The following BSPH1 variants were observed in gnomAD, a reference collection of about 807,000 sequenced individuals.
BSPH1 encodes binder of sperm protein homolog 1, also known as binder of sperm 1.
Under a neutral mutation model 22.5 loss-of-function variants are expected in BSPH1, and 21 were observed. That is an observed-to-expected ratio of 0.93 (90% CI 0.66 to 1.35). The LOEUF (loss-of-function observed/expected upper bound fraction) is 1.35, where lower values mean the gene tolerates loss of function less well. Ranked by LOEUF, BSPH1 falls within the 40% of genes most tolerant of loss-of-function variation. BSPH1 has a pLI of 0.00. For synonymous variants in BSPH1, 42 were observed against 53.6 expected (o/e 0.78, Z 0.95); for missense variants, 141 against 154.2 (o/e 0.91, Z 0.45).
rs556481556 is a variant in BSPH1 at position 47,981,761 on chromosome 19, T to G, written c.74-820A>C. ...TATTCTTGGAATGAAGGAAACTGCC[T>G]GATAGCTTTACTTTTTTTTTTTCTT... On this transcript the variant is annotated intron_variant, in intron 1 of 5. Coordinates refer to ENST00000344839, the MANE Select transcript of BSPH1 (RefSeq NM_001128326.2). 3.3e-5 allele frequency: 31 copies of G among 940,956 alleles called. No individual in the cohort carries two copies. In the East Asian group the frequency reaches 1.7e-3, roughly 53 times the overall value. 58.3% of individuals were successfully genotyped at this position (940,956 alleles called of 1,614,324 possible).
At chr19:47,989,777 A>G (rs1482814496) in intron 1 of BSPH1, among the ~76,000 whole-genome samples, 1 of 152,150 alleles carries the variant, frequency 6.6e-6, no homozygotes, top group East Asian at 1.9e-4. Context: ...GAATTCGACC[A>G]GCATCAAAAA....
intron 1 of BSPH1, among the ~76,000 whole-genome samples, chr19:47,981,431 T>C (rs1969418594): frequency 6.6e-6 from 1 of 152,260 alleles, no homozygotes; most frequent in Admixed American, 6.5e-5. Flanking sequence ...ATAAATGCTC[T>C]GAACGTCTTC....
chr19:47,971,744 A>G (rs747189752), intron 5 of BSPH1, among the ~76,000 whole-genome samples: 10 of 152,148 alleles, frequency 6.6e-5, no homozygotes, highest in Non-Finnish European at 1.2e-4. Flanking sequence ...ACTGTCTGTC[A>G]CTTAATATTT....
intron 1 of BSPH1, among the ~76,000 whole-genome samples, chr19:47,984,017 T>C (rs1969444657): frequency 6.6e-6 from 1 of 151,576 alleles, no homozygotes; most frequent in African/African-American, 2.4e-5. Flanking sequence ...TGGCTAATTC[T>C]TGTATTTTTA....
rs564307899 is a variant in BSPH1, at chr19:47,992,004, A to T, written c.73+5T>A. The T allele has an allele frequency of 6.5e-7, 1 of 1,535,908 alleles. No individual in the cohort carries two copies. The highest frequency in any genetic ancestry group is 1.2e-5 in the South Asian group (1 of 83,690). ...GCATAGGAAGAAATATAGAAAAAGA[A>T]ATACTTAAAATAACAGGGAAGATGC... On this transcript the variant is annotated splice_donor_5th_base_variant and intron_variant, in intron 1 of 5. Coordinates refer to ENST00000344839, the MANE Select transcript of BSPH1 (RefSeq NM_001128326.2).
chr19:47,976,598 A>C (rs1969366246), intron 5 of BSPH1, 112 bp downstream of exon 5: 10 of 689,390 alleles, frequency 1.5e-5, no homozygotes, highest in East Asian at 1.2e-4. Flanking sequence ...AAAAAAAAAC[A>C]AAAAAAAACC....
intron 3 of BSPH1, among the ~76,000 whole-genome samples, chr19:47,978,017 TATATATATATATAG>T (rs1251286626): frequency 2.1e-5 from 3 of 145,456 alleles, no homozygotes; most frequent in Non-Finnish European, 4.5e-5. Context: ...TATATATATA[TATATATATATATAG>T]TTATAGGTGC....
chr19:47,978,248 G>A (rs1195360783), intron 3 of BSPH1, among the ~76,000 whole-genome samples: 1 of 151,812 alleles, frequency 6.6e-6, no homozygotes, highest in Non-Finnish European at 1.5e-5. Flanking sequence ...GGGACTGCAG[G>A]TGCGTGCTAC....
chr19:47,969,556 A>C (rs1049824569), intron 5 of BSPH1, among the ~76,000 whole-genome samples: 1 of 152,172 alleles, frequency 6.6e-6, no homozygotes, highest in Non-Finnish European at 1.5e-5. Flanking sequence ...AAATGGAGAA[A>C]AATGTAATAT....
intron 1 of BSPH1, among the ~76,000 whole-genome samples, chr19:47,985,322 A>G (rs1244114163): frequency 6.6e-6 from 1 of 152,178 alleles, no homozygotes; most frequent in Non-Finnish European, 1.5e-5. Context: ...CTTTCCAGAA[A>G]CCATGAAGAT....
intron 1 of BSPH1, among the ~76,000 whole-genome samples, chr19:47,983,361 G>T (rs1176487516): frequency 6.6e-6 from 1 of 152,142 alleles, no homozygotes; most frequent in Non-Finnish European, 1.5e-5. Flanking sequence ...GATTTGTTGG[G>T]TTCATTCAGT....
intron 5 of BSPH1, among the ~76,000 whole-genome samples, chr19:47,975,711 A>T (rs1351737597): frequency 2.1e-5 from 3 of 141,244 alleles, no homozygotes; most frequent in Admixed American, 1.5e-4. Context: ...GCTGGAGTGC[A>T]GTGGTGCGAT....
chr19:47,978,346 T>C (rs716511), intron 3 of BSPH1, among the ~76,000 whole-genome samples: 103,009 of 151,412 alleles, frequency 0.68, 35,427 homozygotes, highest in African/African-American at 0.77. Flanking sequence ...CTCAAGCATC[T>C]TCCTGCCTCG....
intron 5 of BSPH1, 67 bp downstream of exon 5, chr19:47,976,643 A>G: frequency 1.4e-6 from 2 of 1,404,596 alleles, no homozygotes; most frequent in South Asian, 1.3e-5. Context: ...TCTGCCAACA[A>G]AAACTCTAGG....
intron 1 of BSPH1, among the ~76,000 whole-genome samples, chr19:47,989,919 G>A (rs1168347872): frequency 6.6e-6 from 1 of 152,002 alleles, no homozygotes; most frequent in Non-Finnish European, 1.5e-5. Context: ...AGGAGTTCGA[G>A]ACCAGCCTGG....
chr19:47,979,750 T>C (rs757542498), intron 2 of BSPH1, among the ~76,000 whole-genome samples, 151 bp from the exon 3 acceptor site: 2 of 152,140 alleles, frequency 1.3e-5, no homozygotes, highest in Non-Finnish European at 2.9e-5. Flanking sequence ...ACATGGCATC[T>C]GCTCTTTTTC....
At chr19:47,985,287 C>A (rs1298180272) in intron 1 of BSPH1, among the ~76,000 whole-genome samples, 2 of 151,728 alleles carry the variant, frequency 1.3e-5, no homozygotes, top group Non-Finnish European at 2.9e-5. Flanking sequence ...TACAGAGAAG[C>A]AAAGATAAGA....
chr19:47,967,780 G>C (rs1969272442), downstream of BSPH1, among the ~76,000 whole-genome samples: 1 of 152,134 alleles, frequency 6.6e-6, no homozygotes, highest in Non-Finnish European at 1.5e-5. Context: ...ACACAGTTCA[G>C]CCCATAACAA....
intron 5 of BSPH1, among the ~76,000 whole-genome samples, 170 bp downstream of exon 5, chr19:47,976,540 C>T (rs1211720174): frequency 1.5e-5 from 2 of 137,870 alleles, no homozygotes; most frequent in Non-Finnish European, 3.2e-5. Flanking sequence ...AATCGAAAAC[C>T]TCTAGTTATT....
Sources: allele counts gnomAD v4.1 joint callset (sites outside exome capture counted in the v4.1 genomes callset), GRCh38; gene constraint gnomAD v4.1.1; transcripts MANE v1.5; gene names NCBI Gene and HGNC (gene_info 2026-07-23, HGNC 2026-07-21).